UNC13C: variants seen among roughly 807,000 people sequenced by gnomAD.
UNC13C encodes the protein unc-13 homolog C.
UNC13C carries 174 observed loss-of-function variants against 245.4 expected under a neutral mutation model. The ratio of observed to expected loss-of-function variants is 0.71; its 90% CI spans 0.63 to 0.80. UNC13C has a LOEUF of 0.80. Ranked by LOEUF, UNC13C falls within the 30% of genes least tolerant of loss-of-function variation. The pLI is 0.00. For synonymous variants in UNC13C, 992 were observed against 895.1 expected, an observed-to-expected ratio of 1.11 and a Z score of -1.93; for missense variants, 2,829 against 2,602.9, an observed-to-expected ratio of 1.09 and a Z score of -1.89.
chr15:54,534,699 G>A (rs1895910862), intron 26 of UNC13C, among the ~76,000 whole-genome samples: 1 of 152,150 alleles, frequency 6.6e-6, no homozygotes, highest in African/African-American at 2.4e-5. Context: ...AATGATACAA[G>A]GGCTAAAAGA....
At chr15:54,267,967 T>G (rs2036588839) in intron 10 of UNC13C, among the ~76,000 whole-genome samples, 1 of 151,950 alleles carries the variant, frequency 6.6e-6, no homozygotes, top group African/African-American at 2.4e-5. Flanking sequence ...TAAATTTTAC[T>G]TTAAGTTCTG....
Position 54,310,280 on chromosome 15 carries a change from A to T in UNC13C, c.4268+9907A>T, listed in dbSNP as rs75369882. On this transcript the variant is annotated intron_variant, in intron 13 of 32. Transcript: ENST00000260323. ...ATGAATATGGTTAGAAGCAAGAAAA[A>T]GTTTGCCTTGGCTGTAACTACACAT... Among the ~76,000 whole-genome samples, 471 of 152,010 alleles carry T rather than the reference A, an allele frequency of 3.1e-3. 17 individuals are homozygous for T. The East Asian group carries it at 0.066, about 21-fold the overall frequency.
chr15:54,398,328 C>G, intron 18 of UNC13C, among the ~76,000 whole-genome samples: 1 of 151,228 alleles, frequency 6.6e-6, no homozygotes. Context: ...ATAATCTTTC[C>G]TACATAATAT....
chr15:54,495,547 G>A (rs1893910659), intron 20 of UNC13C, among the ~76,000 whole-genome samples: 1 of 151,836 alleles, frequency 6.6e-6, no homozygotes, highest in Admixed American at 6.6e-5. Flanking sequence ...GAAAGAAAAG[G>A]GAGAAAAAGC....
At chr15:54,195,280 C>T (rs2034316672) in intron 4 of UNC13C, among the ~76,000 whole-genome samples, 1 of 152,194 alleles carries the variant, frequency 6.6e-6, no homozygotes, top group Non-Finnish European at 1.5e-5. Context: ...CCCCTGTTTA[C>T]ATCATTGGCT....
At chr15:54,628,805 A>C (rs1901363575), downstream of UNC13C, 1 of 143,396 alleles carries the variant, frequency 7.0e-6, no homozygotes, top group Admixed American at 7.1e-5. Flanking sequence ...TGTGAAGAAA[A>C]ATGTTTGTTT....
chr15:53,957,535 A>G, the UNC13C span, among the ~76,000 whole-genome samples: 3 of 152,206 alleles, frequency 2.0e-5, no homozygotes, highest in African/African-American at 7.2e-5. Context: ...AAATCTCACA[A>G]CATCGTGAAT....
intron 19 of UNC13C, among the ~76,000 whole-genome samples, chr15:54,440,288 T>G (rs1429902042): frequency 2.0e-5 from 3 of 152,034 alleles, no homozygotes; most frequent in Non-Finnish European, 4.4e-5. Flanking sequence ...TTAAACTTAT[T>G]TCCTTTATAA....
At chr15:54,410,976 A>G (rs1294145471) in intron 18 of UNC13C, among the ~76,000 whole-genome samples, 1 of 152,168 alleles carries the variant, frequency 6.6e-6, no homozygotes, top group Non-Finnish European at 1.5e-5. Context: ...GCTCCTCTGC[A>G]TGCTTGCATG....
chr15:54,222,195 A>G (rs1219893642), intron 4 of UNC13C, among the ~76,000 whole-genome samples: 1 of 151,890 alleles, frequency 6.6e-6, no homozygotes, highest in Non-Finnish European at 1.5e-5. Context: ...TATCCATTCT[A>G]TCCATTATAT....
chr15:53,932,338 C>CAAA, the UNC13C span, among the ~76,000 whole-genome samples: 3 of 40,404 alleles, frequency 7.4e-5, no homozygotes, highest in African/African-American at 2.8e-4. Context: ...ACAACAACAA[C>CAAA]AACAAACAGT....
the UNC13C span, among the ~76,000 whole-genome samples, chr15:53,849,926 A>T: frequency 6.6e-6 from 1 of 152,210 alleles, no homozygotes; most frequent in Admixed American, 6.5e-5. Context: ...AAAAAATTAA[A>T]CAATGAATAA....
chr15:54,225,257 T>C (rs2035347569), intron 4 of UNC13C, among the ~76,000 whole-genome samples: 1 of 152,184 alleles, frequency 6.6e-6, no homozygotes, highest in Admixed American at 6.5e-5. Flanking sequence ...GCCTCCAGCT[T>C]TGTTCTTTTC....
At chr15:54,035,575 G>C (rs1025494378) in intron 2 of UNC13C, among the ~76,000 whole-genome samples, 3 of 152,092 alleles carry the variant, frequency 2.0e-5, no homozygotes, top group African/African-American at 2.4e-5. Flanking sequence ...TTTAAACCTA[G>C]AGCCCATTCT....
the UNC13C span, among the ~76,000 whole-genome samples, chr15:53,925,649 C>G: frequency 6.6e-6 from 1 of 152,130 alleles, no homozygotes; most frequent in African/African-American, 2.4e-5. Context: ...TAGCTCTCCC[C>G]GTAAAATGAC....
At chr15:54,333,656 T>C in intron 15 of UNC13C, 111 bp from the exon 16 acceptor site, 3 of 644,590 alleles carry the variant, frequency 4.7e-6, no homozygotes, top group East Asian at 2.8e-5. Context: ...ATTTTTAAAA[T>C]TGTATACAGT....
intron 17 of UNC13C, among the ~76,000 whole-genome samples, chr15:54,359,580 G>A (rs1201879500): frequency 1.3e-5 from 2 of 151,854 alleles, no homozygotes; most frequent in African/African-American, 4.8e-5. Context: ...GGCTGTATGT[G>A]TTCAGGAATT....
chr15:53,871,351 C>T, the UNC13C span, among the ~76,000 whole-genome samples: 2 of 152,126 alleles, frequency 1.3e-5, no homozygotes, highest in South Asian at 2.1e-4. Context: ...TTCTTAACTC[C>T]CCCTGACTAA....
At chr15:54,124,603 A>G (rs2030908319) in intron 2 of UNC13C, among the ~76,000 whole-genome samples, 1 of 151,966 alleles carries the variant, frequency 6.6e-6, no homozygotes, top group Non-Finnish European at 1.5e-5. Context: ...CCTCCTAACA[A>G]GGTCTTTCTA....
Sources: allele counts gnomAD v4.1 joint callset (sites outside exome capture counted in the v4.1 genomes callset), GRCh38; gene constraint gnomAD v4.1.1; transcripts MANE v1.5; gene names NCBI Gene and HGNC (gene_info 2026-07-23, HGNC 2026-07-21).